The following MAD2L2 variants were observed in gnomAD, a reference collection of about 807,000 sequenced individuals.
MAD2L2 encodes mitotic spindle assembly checkpoint protein MAD2B.
MAD2L2 carries 17 observed loss-of-function variants against 30.5 expected under a neutral mutation model. The observed-to-expected ratio is 0.56, with a 90% confidence interval of 0.38 to 0.84. The LOEUF is 0.84. Ranked by LOEUF, MAD2L2 falls within the 40% of genes least tolerant of loss-of-function variation. The pLI is 0.00. For missense variants in MAD2L2, 213 were observed against 277.4 expected (o/e 0.77, Z 1.65); for synonymous variants, 101 against 113.9 (o/e 0.89, Z 0.72).
At chr1:11,678,871 C>T (rs1640815836) in intron 3 of MAD2L2, among the ~76,000 whole-genome samples, 1 of 152,312 alleles carries the variant, frequency 6.6e-6, no homozygotes, top group South Asian at 2.1e-4. Context: ...CATTATCTAA[C>T]ACAAAACCTG....
rs1246964176 is a variant in MAD2L2 at position 11,690,863 on chromosome 1, T to A, written c.-692+550A>T. Among the ~76,000 whole-genome samples the A allele has an allele frequency of 6.6e-6, 1 of 152,056 alleles. No homozygotes were observed. The highest frequency in any genetic ancestry group is 1.5e-5 in the Non-Finnish European group (1 of 68,022). On this transcript the variant is annotated intron_variant, in intron 1 of 10. Transcript: ENST00000235310. This position sits in a 1 kb window ranked among gnomAD's most constrained non-coding sequence, Gnocchi z 4.2. Reference sequence around the variant, plus strand: ...GGCCCCAGCGCTGGCTTTGTCCGGGTTGGGCCGGTCTGAGAAGCTTCAGGC... The same window carrying A: ...GGCCCCAGCGCTGGCTTTGTCCGGGATGGGCCGGTCTGAGAAGCTTCAGGC...
At chr1:11,685,745 T>C (rs1207854474), upstream of MAD2L2, among the ~76,000 whole-genome samples, 2 of 152,040 alleles carry the variant, frequency 1.3e-5, no homozygotes, top group African/African-American at 4.8e-5. Context: ...CCACTTGAGC[T>C]CAGGACTTCG....
At position 11,680,488 on chromosome 1, in the gene MAD2L2, G is replaced by A; in HGVS notation, c.41-17C>T. The stretch of plus-strand genomic sequence containing the variant: ...CGGCCACCACTGCAGGGGGGCACAA[G>A]CCGGTGGCGCGCTCGAGGAAGCCCG... On this transcript the variant is annotated splice_polypyrimidine_tract_variant and intron_variant, in intron 2 of 8. Coordinates refer to ENST00000376692, the MANE Select transcript of MAD2L2 (RefSeq NM_006341.4). 1 of 1,612,422 alleles carries A rather than the reference G, an allele frequency of 6.2e-7. No individual in the cohort carries two copies. The highest frequency in any genetic ancestry group is 8.5e-7 in the Non-Finnish European group (1 of 1,178,876).
At chr1:11,677,465 C>T in intron 4 of MAD2L2, 78 bp downstream of exon 4, 1 of 1,385,826 alleles carries the variant, frequency 7.2e-7, no homozygotes, top group Non-Finnish European at 1.0e-6. Flanking sequence ...TTCACCCCAT[C>T]CCAGAGTTGG....
chr1:11,680,917 C>T (rs991892127), intron 1 of MAD2L2, 122 bp downstream of exon 1: 4 of 500,588 alleles, frequency 8.0e-6, no homozygotes, highest in Non-Finnish European at 1.2e-5. Flanking sequence ...GCGGGATGCC[C>T]AGGGCCGGGA....
intron 6 of MAD2L2, 57 bp from the exon 7 acceptor site, chr1:11,675,788 G>T: frequency 7.1e-7 from 1 of 1,403,558 alleles, no homozygotes; most frequent in Non-Finnish European, 1.0e-6. Context: ...CAGCCACTGG[G>T]CCCAGCCTCT....
intron 1 of MAD2L2, 141 bp from the exon 2 acceptor site, chr1:11,680,754 G>T: frequency 7.2e-7 from 1 of 1,385,108 alleles, no homozygotes; most frequent in South Asian, 1.7e-5. Flanking sequence ...AGGGCAGCTG[G>T]AAGAACCTCC....
chr1:11,675,798 T>C lies in MAD2L2; in HGVS notation c.428-67A>G, dbSNP rs548061357. Reference sequence around the variant, plus strand: ...GGTGCCAGCCACTGGGCCCAGCCTCTTCCCACTTCCCTTGCTGGCTCAGCA... The same window carrying C: ...GGTGCCAGCCACTGGGCCCAGCCTCCTCCCACTTCCCTTGCTGGCTCAGCA... On this transcript the variant is annotated intron_variant, in intron 6 of 8. Coordinates refer to ENST00000376692, the MANE Select transcript of MAD2L2 (RefSeq NM_006341.4). The C allele has an allele frequency of 5.3e-6, 7 of 1,312,176 alleles. No homozygotes were observed. In the East Asian group the frequency reaches 1.1e-4, roughly 22 times the overall value. 81.3% of individuals were successfully genotyped at this position (1,312,176 alleles called of 1,614,324 possible).
chr1:11,679,994 T>G (rs1474695191), intron 3 of MAD2L2, among the ~76,000 whole-genome samples: 1 of 89,998 alleles, frequency 1.1e-5, no homozygotes, highest in Admixed American at 1.2e-4. Context: ...GGTTTTTTTT[T>G]TTTTTTTTTT....
chr1:11,683,673 A>T (rs910798973), upstream of MAD2L2, among the ~76,000 whole-genome samples: 2 of 151,288 alleles, frequency 1.3e-5, no homozygotes, highest in African/African-American at 2.4e-5. Context: ...TATTGCAATT[A>T]AAAAAAAACG....
chr1:11,683,621 TC>T (rs559742022), upstream of MAD2L2, among the ~76,000 whole-genome samples: 56 of 152,060 alleles, frequency 3.7e-4, no homozygotes, highest in East Asian at 0.01. Flanking sequence ...CACCAAAATC[TC>T]AGCAGTCACC....
At chr1:11,675,637 C>T (rs1183317937) in intron 7 of MAD2L2, 21 bp downstream of exon 7, 3 of 1,612,962 alleles carry the variant, frequency 1.9e-6, no homozygotes, top group African/African-American at 2.7e-5. Flanking sequence ...TGCGCCCAGA[C>T]CCAGACCCAT....
chr1:11,677,803 T>C (rs1640796625), intron 3 of MAD2L2, among the ~76,000 whole-genome samples, 189 bp from the exon 4 acceptor site: 1 of 151,836 alleles, frequency 6.6e-6, no homozygotes, highest in Non-Finnish European at 1.5e-5. Flanking sequence ...CTCACGCCTA[T>C]AATCTCAGCA....
upstream of MAD2L2, chr1:11,681,332 T>G (rs1306125729): frequency 2.0e-5 from 3 of 152,118 alleles, no homozygotes; most frequent in Non-Finnish European, 4.4e-5. Flanking sequence ...CCCTTCAACT[T>G]CGGGTGGGCG....
chr1:11,680,110 C>T (rs1191751645), intron 3 of MAD2L2, among the ~76,000 whole-genome samples: 1 of 150,844 alleles, frequency 6.6e-6, no homozygotes, highest in East Asian at 2.0e-4. Flanking sequence ...ATTCTCCTGC[C>T]TCAGCCTCCT....
At chr1:11,682,734 G>A (rs1341451101), upstream of MAD2L2, among the ~76,000 whole-genome samples, 7 of 151,996 alleles carry the variant, frequency 4.6e-5, no homozygotes, top group Non-Finnish European at 7.4e-5. Flanking sequence ...ACAGAGGTTT[G>A]GACTGTTCCC....
upstream of MAD2L2, among the ~76,000 whole-genome samples, chr1:11,682,990 A>C (rs563637377): frequency 6.6e-6 from 1 of 152,310 alleles, no homozygotes; most frequent in South Asian, 2.1e-4. Context: ...GACTCATTGC[A>C]GAACTTGGGA....
Position 11,676,135 on chromosome 1 carries a change from T to G in MAD2L2, c.338A>C (p.Asp113Ala). The G allele has an allele frequency of 1.3e-6, 2 of 1,597,386 alleles. No homozygotes were observed. The highest frequency in any genetic ancestry group is 2.2e-5 in the South Asian group (2 of 89,324). Residue 113 changes from aspartate (D) to alanine (A), a missense_variant, in exon 6 of 9, where the codon GAC (aspartate) becomes GCC (alanine). By Grantham distance (126) the Asp-to-Ala change is moderately radical (BLOSUM62 -2). Coordinates refer to ENST00000376692, the MANE Select transcript of MAD2L2 (RefSeq NM_006341.4). ...CTGCTCCACATGAGACAACAGCGAG[T>G]CTGAGCTGGGAGTGAGAGGAGGTCT... ...TQPPLLSISS[D>A]SLLSHVEQLL...
chr1:11,691,675 C>G (rs191684205), upstream of MAD2L2: 1,794 of 149,396 alleles, frequency 0.012, 13 homozygotes, highest in Non-Finnish European at 0.019. Flanking sequence ...GCTCCCGCCC[C>G]CTTCCCTCCT....
Sources: gnomAD v4.1 joint callset for allele counts (sites outside exome capture counted in the v4.1 genomes callset) on GRCh38, gnomAD v4.1.1 for gene constraint, Gnocchi (gnomAD v3.1) non-coding constraint, MANE v1.5 for transcripts, NCBI Gene and HGNC (gene_info 2026-07-23, HGNC 2026-07-21) for gene names.